The following C1QTNF3 variants were observed in gnomAD, a reference collection of about 807,000 sequenced individuals.
The protein encoded by C1QTNF3 is complement C1q tumor necrosis factor-related protein 3.
C1QTNF3 carries 26 observed loss-of-function variants against 32.6 expected under a neutral mutation model. The observed-to-expected ratio is 0.80, with a 90% CI of 0.58 to 1.11. The LOEUF (loss-of-function observed/expected upper bound fraction) is 1.11. Ranked by LOEUF, C1QTNF3 falls within the 50% of genes least tolerant of loss-of-function variation. C1QTNF3 has a pLI of 0.00. For missense variants in C1QTNF3, 362 were observed against 398.2 expected (o/e 0.91, Z 0.77); for synonymous variants, 155 against 146.0 (o/e 1.06, Z -0.44).
chr5:34,096,705 T>G, the C1QTNF3 span, among the ~76,000 whole-genome samples: 1 of 150,214 alleles, frequency 6.7e-6, no homozygotes, highest in South Asian at 2.1e-4. Context: ...GCTAAATAAG[T>G]AGAGATAGGA....
the C1QTNF3 span, among the ~76,000 whole-genome samples, chr5:34,048,889 CA>C: frequency 6.6e-6 from 1 of 152,184 alleles, no homozygotes; most frequent in African/African-American, 2.4e-5. Context: ...GCTCCTGCCA[CA>C]AGGAACAGAC....
chr5:34,072,757 G>A, the C1QTNF3 span, among the ~76,000 whole-genome samples: 1 of 152,100 alleles, frequency 6.6e-6, no homozygotes, highest in Non-Finnish European at 1.5e-5. Context: ...ATGTGGAGTC[G>A]AAAAATTCAA....
At chr5:34,165,552 T>A in the C1QTNF3 span, 1 of 152,124 alleles carries the variant, frequency 6.6e-6, no homozygotes, top group African/African-American at 2.4e-5. Flanking sequence ...GTAACTGCTG[T>A]CATTGATGCC....
chr5:34,116,933 C>T, the C1QTNF3 span, among the ~76,000 whole-genome samples: 15 of 152,054 alleles, frequency 9.9e-5, no homozygotes, highest in South Asian at 4.2e-4. Flanking sequence ...CCAGGTCTCA[C>T]GATTGCTTTT....
At chr5:34,073,677 A>T in the C1QTNF3 span, among the ~76,000 whole-genome samples, 2 of 152,162 alleles carry the variant, frequency 1.3e-5, no homozygotes. Flanking sequence ...ACTAAACTCA[A>T]TTATTCCTTC....
chr5:34,154,702 T>C, the C1QTNF3 span, among the ~76,000 whole-genome samples: 9 of 152,136 alleles, frequency 5.9e-5, no homozygotes, highest in African/African-American at 1.9e-4. Context: ...CAGCCTTAGC[T>C]GCAAATTTGT....
chr5:34,213,766 C>T, the C1QTNF3 span, among the ~76,000 whole-genome samples: 7 of 89,588 alleles, frequency 7.8e-5, no homozygotes, highest in Non-Finnish European at 1.4e-4. Context: ...TATACACACA[C>T]ACACATACGT....
the C1QTNF3 span, among the ~76,000 whole-genome samples, chr5:34,110,618 A>G: frequency 1.3e-5 from 2 of 152,174 alleles, no homozygotes; most frequent in Non-Finnish European, 2.9e-5. Context: ...TGCTCAGAGC[A>G]ATAAAATTTT....
the C1QTNF3 span, among the ~76,000 whole-genome samples, chr5:34,235,525 A>G: frequency 0.11 from 15,754 of 149,808 alleles, 1,164 homozygotes; most frequent in Middle Eastern, 0.16. Flanking sequence ...TTTCCACTCT[A>G]AAGACAGGAT....
At chr5:34,030,505 TTCC>T (rs1210824914) in intron 3 of C1QTNF3, among the ~76,000 whole-genome samples, 17 of 152,228 alleles carry the variant, frequency 1.1e-4, no homozygotes, top group Admixed American at 2.6e-4. Context: ...GGTAGTACTC[TTCC>T]TCCTCTTGCC....
At chr5:34,213,290 A>G in the C1QTNF3 span, among the ~76,000 whole-genome samples, 2 of 152,168 alleles carry the variant, frequency 1.3e-5, no homozygotes, top group Non-Finnish European at 2.9e-5. Context: ...GCACAGTAAG[A>G]TAAACACCTA....
At chr5:34,223,829 G>T in the C1QTNF3 span, among the ~76,000 whole-genome samples, 1 of 152,032 alleles carries the variant, frequency 6.6e-6, no homozygotes, top group African/African-American at 2.4e-5. Flanking sequence ...GGAAAGAAAG[G>T]GTATTCAATT....
the C1QTNF3 span, among the ~76,000 whole-genome samples, chr5:34,142,591 G>A: frequency 2.0e-5 from 3 of 152,198 alleles, no homozygotes; most frequent in African/African-American, 7.2e-5. Flanking sequence ...AAGGAGCTGT[G>A]TGACTGAGTA....
At chr5:34,117,017 A>T in the C1QTNF3 span, among the ~76,000 whole-genome samples, 1 of 152,080 alleles carries the variant, frequency 6.6e-6, no homozygotes, top group South Asian at 2.1e-4. Context: ...TCCCTTGTAA[A>T]CATATAGCTG....
chr5:34,144,393 T>C, the C1QTNF3 span, among the ~76,000 whole-genome samples: 1 of 152,196 alleles, frequency 6.6e-6, no homozygotes, highest in Admixed American at 6.5e-5. Flanking sequence ...AACTTAACTT[T>C]GACACTTGAC....
chr5:34,231,327 TA>T, the C1QTNF3 span, among the ~76,000 whole-genome samples: 1 of 152,186 alleles, frequency 6.6e-6, no homozygotes, highest in African/African-American at 2.4e-5. Context: ...TCAACATAGA[TA>T]TTTTTTAGTT....
At chr5:34,035,899 G>C (rs545357563) in intron 1 of C1QTNF3, 141 bp from the exon 2 acceptor site, 7 of 597,528 alleles carry the variant, frequency 1.2e-5, no homozygotes, top group African/African-American at 1.9e-5. Flanking sequence ...GGATGGGGTG[G>C]AGATATCAAT....
the C1QTNF3 span, among the ~76,000 whole-genome samples, chr5:34,056,805 C>T: frequency 0.015 from 2,267 of 152,098 alleles, 84 homozygotes; most frequent in East Asian, 0.13. Context: ...GTCTCGCACC[C>T]GGCCATGACT....
the C1QTNF3 span, among the ~76,000 whole-genome samples, chr5:34,051,740 G>A: frequency 1.3e-5 from 2 of 152,194 alleles, no homozygotes; most frequent in Non-Finnish European, 1.5e-5. Context: ...ACAATGCCAC[G>A]TCCTAGACAT....
Sources: allele counts gnomAD v4.1 joint callset (sites outside exome capture counted in the v4.1 genomes callset), GRCh38; gene constraint gnomAD v4.1.1; transcripts MANE v1.5; gene names NCBI Gene and HGNC (gene_info 2026-07-23, HGNC 2026-07-21).